Variants in CDKN2B-AS1 observed in about 807,000 individuals in gnomAD.
CDKN2B-AS1 encodes CDKN2B and CDKN2A antisense cis and trans regulatory RNA 1, also known as CDKN2B antisense RNA 1 (non-protein coding).
At chr9:22,109,765 T>C (rs1434408972) in intron 4 of CDKN2B-AS1, among the ~76,000 whole-genome samples, 6 of 152,178 alleles carry the variant, frequency 3.9e-5, no homozygotes, top group South Asian at 2.1e-4. Context: ...ACCCAAATAG[T>C]GATTTATCAG....
At chr9:22,059,068 G>C (rs1823694183) in intron 4 of CDKN2B-AS1, 1 of 152,410 alleles carries the variant, frequency 6.6e-6, no homozygotes, top group African/African-American at 2.4e-5. Context: ...AGATTTGGTG[G>C]GGATGCAGCC....
At chr9:22,026,715 G>T (rs1047822449) in intron 1 of CDKN2B-AS1, among the ~76,000 whole-genome samples, 11 of 152,158 alleles carry the variant, frequency 7.2e-5, no homozygotes, top group African/African-American at 2.7e-4. Context: ...CTCCAGCTTT[G>T]CCAAAGTCGC....
At chr9:22,126,571 A>ATTTTTTTTTT (rs1818026896) in intron 4 of CDKN2B-AS1, among the ~76,000 whole-genome samples, 11 of 100,598 alleles carry the variant, frequency 1.1e-4, no homozygotes, top group African/African-American at 3.9e-4. Context: ...GAGTAAGTGG[A>ATTTTTTTTTT]TTCTTTTTTT....
intron 1 of CDKN2B-AS1, among the ~76,000 whole-genome samples, chr9:22,018,679 A>G (rs1404317944): frequency 2.0e-5 from 3 of 152,152 alleles, no homozygotes; most frequent in Non-Finnish European, 2.9e-5. Flanking sequence ...AACATAATCC[A>G]TGTATGTGAT....
At chr9:22,030,706 C>T (rs1209573192) in intron 1 of CDKN2B-AS1, 1 of 152,052 alleles carries the variant, frequency 6.6e-6, no homozygotes, top group East Asian at 1.9e-4. Flanking sequence ...GATTTAGTTT[C>T]CTCATTACAG....
intron 3 of CDKN2B-AS1, among the ~76,000 whole-genome samples, chr9:22,049,539 G>A (rs1041067148): frequency 8.5e-5 from 13 of 152,114 alleles, no homozygotes; most frequent in Non-Finnish European, 1.6e-4. Context: ...TACACAAGGG[G>A]CCCCACAGGG....
At chr9:22,021,728 C>G (rs1255527648) in intron 1 of CDKN2B-AS1, among the ~76,000 whole-genome samples, 1 of 152,110 alleles carries the variant, frequency 6.6e-6, no homozygotes, top group Non-Finnish European at 1.5e-5. Context: ...AAGATCATGT[C>G]ACCTGCAAAG....
At chr9:22,093,247 G>A (rs1191435135) in intron 4 of CDKN2B-AS1, among the ~76,000 whole-genome samples, 2 of 141,646 alleles carry the variant, frequency 1.4e-5, no homozygotes, top group Admixed American at 1.5e-4. Context: ...CAACTATGTG[G>A]TCAATTTTGG....
Position 22,001,593 on chromosome 9 carries a change from T to G in CDKN2B-AS1, n.29+6432T>G, listed in dbSNP as rs796927841. ...ATTACATATTATTAATTAGTGGCAC[T>G]AGTATTAGTTCATATTTTCTTTTAT... On this transcript the variant is annotated intron_variant and non_coding_transcript_variant, in intron 1 of 4. Coordinates refer to ENST00000650946, the Ensembl canonical transcript of CDKN2B-AS1. The surrounding 1 kb of genome is among the most constrained non-coding windows in gnomAD (Gnocchi z 4.2). Among the ~76,000 whole-genome samples, 3 of 152,278 alleles carry G rather than the reference T, an allele frequency of 2.0e-5. No individual in the cohort carries two copies. Among genetic ancestry groups the G allele is most frequent in the African/African-American group, 7.2e-5 (3 of 41,576 alleles).
intron 4 of CDKN2B-AS1, among the ~76,000 whole-genome samples, chr9:22,105,451 G>A (rs544154665): frequency 1.3e-5 from 2 of 152,276 alleles, no homozygotes; most frequent in South Asian, 2.1e-4. Flanking sequence ...TGCATGAAGC[G>A]GGGCTGGGCA....
At chr9:22,051,513 A>G (rs1350995987) in intron 3 of CDKN2B-AS1, among the ~76,000 whole-genome samples, 8 of 152,178 alleles carry the variant, frequency 5.3e-5, no homozygotes, top group African/African-American at 1.9e-4. Context: ...CTTGCTTAAA[A>G]TCTTTGCTAA....
chr9:22,007,533 T>A (rs1014062415), intron 1 of CDKN2B-AS1, among the ~76,000 whole-genome samples: 2 of 152,140 alleles, frequency 1.3e-5, no homozygotes, highest in Non-Finnish European at 2.9e-5. Flanking sequence ...TATAAGACAA[T>A]TTTTGGTAAC....
At chr9:22,041,570 T>C (rs1178910177) in intron 1 of CDKN2B-AS1, among the ~76,000 whole-genome samples, 3 of 152,106 alleles carry the variant, frequency 2.0e-5, no homozygotes, top group Admixed American at 6.5e-5. Context: ...CATGTGATAA[T>C]GTGCATGGTG....
chr9:22,033,336 G>A (rs1822554283), intron 1 of CDKN2B-AS1, among the ~76,000 whole-genome samples: 1 of 152,158 alleles, frequency 6.6e-6, no homozygotes, highest in Admixed American at 6.5e-5. Context: ...TAAATGGAGG[G>A]GCAGAGCAGA....
chr9:22,123,511 G>C (rs1241995115), intron 4 of CDKN2B-AS1, among the ~76,000 whole-genome samples: 1 of 152,122 alleles, frequency 6.6e-6, no homozygotes, highest in Non-Finnish European at 1.5e-5. Context: ...GGAGAAATGT[G>C]TTTGCACCAA....
Position 22,091,123 on chromosome 9 carries a change from G to T in CDKN2B-AS1, n.438+34736G>T, listed in dbSNP as rs546321407. On this transcript the variant is annotated intron_variant and non_coding_transcript_variant, in intron 4 of 4. Transcript: ENST00000650946. Reference sequence around the variant, plus strand: ...GCTTGTTTTTATCAGGTTTGTCAAAGATCAGATTGTTGTAGATATGTGGCA... The same window carrying T: ...GCTTGTTTTTATCAGGTTTGTCAAATATCAGATTGTTGTAGATATGTGGCA... Among the ~76,000 whole-genome samples the T allele has an allele frequency of 7.2e-5, 11 of 152,304 alleles. No homozygotes were observed. In the East Asian group the frequency reaches 1.5e-3, roughly 21 times the overall value.
intron 1 of CDKN2B-AS1, among the ~76,000 whole-genome samples, chr9:22,017,849 G>C (rs560264407): frequency 1.4e-5 from 2 of 146,700 alleles, no homozygotes; most frequent in South Asian, 2.1e-4. Context: ...TTAAACTACT[G>C]CTGAAACAAC....
chr9:22,108,785 C>G (rs1373597244), intron 4 of CDKN2B-AS1, among the ~76,000 whole-genome samples: 2 of 152,120 alleles, frequency 1.3e-5, no homozygotes, highest in Non-Finnish European at 2.9e-5. Flanking sequence ...TGAGGTCATA[C>G]TTTCTTGTTT....
At chr9:22,112,138 A>G (rs1467043983) in intron 4 of CDKN2B-AS1, 1 of 152,226 alleles carries the variant, frequency 6.6e-6, no homozygotes, top group African/African-American at 2.4e-5. Context: ...CCAAGGTAAG[A>G]GAAGAAACAT....
Sources: gnomAD v4.1 joint callset for allele counts (sites outside exome capture counted in the v4.1 genomes callset) on GRCh38, gnomAD v4.1.1 for gene constraint, Gnocchi (gnomAD v3.1) non-coding constraint, MANE v1.5 for transcripts, NCBI Gene and HGNC (gene_info 2026-07-23, HGNC 2026-07-21) for gene names.